Variants in PCDH15 observed in about 807,000 individuals in gnomAD.
The protein encoded by PCDH15 is protocadherin related 15, also known as protocadherin-15.
Under a neutral mutation model 178.5 loss-of-function variants are expected in PCDH15, and 129 were observed. The ratio of observed to expected loss-of-function variants is 0.72; its 90% confidence interval spans 0.63 to 0.84. The LOEUF (loss-of-function observed/expected upper bound fraction) is 0.84, where lower values mean the gene tolerates loss of function less well. Among genes scored for constraint, PCDH15 ranks in the 40% least tolerant of loss-of-function variants. PCDH15 has a pLI of 0.00. For missense variants in PCDH15, 2,230 were observed against 2,099.9 expected (o/e 1.06, Z -1.21); for synonymous variants, 800 against 732.0 (o/e 1.09, Z -1.50).
chr10:55,306,827 T>G (rs539066483), intron 1 of PCDH15, among the ~76,000 whole-genome samples: 1 of 152,214 alleles, frequency 6.6e-6, no homozygotes, highest in East Asian at 1.9e-4. Context: ...CAAAGATGAG[T>G]ATACAGAAGA....
chr10:54,004,802 A>C (rs2092323338), intron 20 of PCDH15, among the ~76,000 whole-genome samples: 5 of 152,056 alleles, frequency 3.3e-5, no homozygotes, highest in Admixed American at 3.3e-4. Flanking sequence ...CAGAAAAAAA[A>C]TTCTAAACTG....
chr10:54,683,776 A>G (rs2135697299), intron 1 of PCDH15, among the ~76,000 whole-genome samples: 1 of 152,236 alleles, frequency 6.6e-6, no homozygotes, highest in East Asian at 1.9e-4. Flanking sequence ...GCTTGCGATC[A>G]AGTGTCTGAC....
At chr10:54,556,997 T>C (rs1038105984) in intron 2 of PCDH15, among the ~76,000 whole-genome samples, 4 of 152,106 alleles carry the variant, frequency 2.6e-5, no homozygotes, top group African/African-American at 9.7e-5. Context: ...GGACAAGCCA[T>C]TGGTGTTTTG....
intron 8 of PCDH15, among the ~76,000 whole-genome samples, chr10:54,247,664 T>G (rs1554857116): frequency 6.6e-6 from 1 of 151,796 alleles, no homozygotes; most frequent in Non-Finnish European, 1.5e-5. Context: ...CAATAAACAA[T>G]GTCATAAACA....
intron 37 of PCDH15, 84 bp from the exon 38 acceptor site, chr10:53,807,214 A>C: frequency 3.6e-6 from 4 of 1,126,230 alleles, no homozygotes; most frequent in African/African-American, 1.6e-5. Context: ...ATCCAAAACA[A>C]TGACATTTAG....
intron 2 of PCDH15, among the ~76,000 whole-genome samples, chr10:55,148,799 A>G (rs550545221): frequency 6.7e-6 from 1 of 150,074 alleles, no homozygotes; most frequent in Non-Finnish European, 1.5e-5. Flanking sequence ...TATATAAAAC[A>G]TGAGAATTTT....
chr10:55,486,755 C>A (rs1473623316), intron 2 of PCDH15, among the ~76,000 whole-genome samples: 1 of 150,892 alleles, frequency 6.6e-6, no homozygotes, highest in Non-Finnish European at 1.5e-5. Context: ...CATCCTCCTG[C>A]CTCTGCCTTC....
rs182015986 is a variant in PCDH15, at chr10:53,983,859, T to C, written c.2868+11790A>G. On this transcript the variant is annotated intron_variant, in intron 21 of 37. Coordinates refer to ENST00000644397, the MANE Select transcript of PCDH15 (RefSeq NM_001384140.1). Reference sequence around the variant, plus strand: ...ATTCTATGCCTTAAATTCTTAACACTGTCTTCACAATCTACAAGATTAAGC... The same window carrying C: ...ATTCTATGCCTTAAATTCTTAACACCGTCTTCACAATCTACAAGATTAAGC... Among the ~76,000 whole-genome samples the C allele has an allele frequency of 4.6e-3, 695 of 152,242 alleles. 6 individuals carry two copies. The highest frequency in any genetic ancestry group is 0.016 in the African/African-American group (664 of 41,566).
At chr10:54,932,793 T>C (rs560834158) in intron 2 of PCDH15, among the ~76,000 whole-genome samples, 33 of 152,178 alleles carry the variant, frequency 2.2e-4, no homozygotes, top group Non-Finnish European at 4.4e-4. Context: ...CGCCTCGGCC[T>C]CCTAAAGTGC....
At chr10:54,712,100 T>C (rs11004462) in intron 1 of PCDH15, among the ~76,000 whole-genome samples, 18,490 of 151,892 alleles carry the variant, frequency 0.12, 1,258 homozygotes, top group African/African-American at 0.17. Context: ...TAAATTTGAA[T>C]GTAAAGAGTA....
chr10:53,968,531 C>T (rs1427497302), intron 21 of PCDH15, among the ~76,000 whole-genome samples: 2 of 152,166 alleles, frequency 1.3e-5, no homozygotes, highest in Admixed American at 6.5e-5. Context: ...AGTTTGAGAT[C>T]TAAGAACGGA....
At chr10:55,495,584 G>A (rs1016636875) in intron 2 of PCDH15, among the ~76,000 whole-genome samples, 3 of 151,908 alleles carry the variant, frequency 2.0e-5, no homozygotes, top group African/African-American at 7.2e-5. Context: ...GTATTCAAAA[G>A]CACATAATAA....
intron 2 of PCDH15, among the ~76,000 whole-genome samples, chr10:55,471,687 G>A (rs1839958670): frequency 6.6e-6 from 1 of 152,166 alleles, no homozygotes; most frequent in African/African-American, 2.4e-5. Flanking sequence ...CAGGAAAACA[G>A]ATTATTTTTT....
At position 55,596,498 on chromosome 10, in the gene PCDH15, G is replaced by A. The variant is rs570803619; in HGVS notation, c.-156+31127C>T. On this transcript the variant is annotated intron_variant, in intron 2 of 5. Transcript: ENST00000613346. Reference sequence around the variant, plus strand: ...GTCACTTCACTTCTCTCCCTCTCTCGTTTTTGGCATATGCAAGGCAGAGAA... The same window carrying A: ...GTCACTTCACTTCTCTCCCTCTCTCATTTTTGGCATATGCAAGGCAGAGAA... Among the ~76,000 whole-genome samples, 4 of 151,946 alleles carry A rather than the reference G, an allele frequency of 2.6e-5. No individual in the cohort carries two copies. In the East Asian group the frequency reaches 7.8e-4, roughly 29 times the overall value.
chr10:54,399,429 A>G (rs1297454044), intron 3 of PCDH15, among the ~76,000 whole-genome samples: 2 of 152,122 alleles, frequency 1.3e-5, no homozygotes, highest in Admixed American at 1.3e-4. Context: ...GCATTTCTCC[A>G]TAAGCTTGAT....
intron 2 of PCDH15, among the ~76,000 whole-genome samples, chr10:55,363,858 G>C (rs1305656019): frequency 3.3e-5 from 5 of 151,986 alleles, no homozygotes; most frequent in African/African-American, 1.2e-4. Context: ...GGTTGGTCTG[G>C]AACTCTGACC....
At chr10:54,323,083 A>T (rs61853347) in intron 7 of PCDH15, among the ~76,000 whole-genome samples, 38,322 of 152,044 alleles carry the variant, frequency 0.25, 5,260 homozygotes, top group African/African-American at 0.37. Context: ...AAAATAAGAC[A>T]TACATGCAGC....
chr10:54,457,689 A>AT (rs146215034), intron 3 of PCDH15, among the ~76,000 whole-genome samples: 7,149 of 152,262 alleles, frequency 0.047, 362 homozygotes, highest in African/African-American at 0.12. Context: ...GCTAAACAAT[A>AT]TTTTTTAAAA....
At chr10:54,938,225 A>T (rs56109068) in intron 2 of PCDH15, among the ~76,000 whole-genome samples, 6 of 150,972 alleles carry the variant, frequency 4.0e-5, no homozygotes, top group African/African-American at 7.3e-5. Flanking sequence ...ATTAAGTGAA[A>T]TTTTTTTGTC....
Sources: allele counts gnomAD v4.1 joint callset (sites outside exome capture counted in the v4.1 genomes callset), GRCh38; gene constraint gnomAD v4.1.1; transcripts MANE v1.5; gene names NCBI Gene and HGNC (gene_info 2026-07-23, HGNC 2026-07-21).